The following PABPC1L variants were observed in gnomAD, a reference collection of about 807,000 sequenced individuals.
The protein encoded by PABPC1L is poly(A) binding protein cytoplasmic 1 like, also known as polyadenylate-binding protein 1-like.
PABPC1L carries 31 observed loss-of-function variants against 66.6 expected under a neutral mutation model. That is an observed-to-expected ratio of 0.47 (90% CI 0.35 to 0.63). PABPC1L has a LOEUF of 0.63. Ranked by LOEUF, PABPC1L falls within the 20% of genes least tolerant of loss-of-function variation. PABPC1L has a pLI of 0.00. For missense variants in PABPC1L, 722 were observed against 848.8 expected (o/e 0.85, Z 1.86); for synonymous variants, 348 against 335.1 (o/e 1.04, Z -0.42).
chr20:44,910,338 T>C lies in PABPC1L; in HGVS notation c.193+2T>C, dbSNP rs1351097957. 2 of 1,501,554 alleles carry C rather than the reference T, an allele frequency of 1.3e-6. No homozygotes were observed. Among genetic ancestry groups the C allele is most frequent in the African/African-American group, 2.9e-5 (2 of 70,148 alleles). The allele number at this position is 1,501,554 out of a possible 1,614,324, so 93.0% of individuals were successfully genotyped here. On this transcript the variant is annotated splice_donor_variant, in intron 1 of 14. Transcript: ENST00000217073. LOFTEE classifies it high-confidence loss of function. Reference sequence around the variant, plus strand: ...TCAACTTCCAGCAGCCCGCGGACGGTGAGCCCCGGGGATGGGGCGGGAGGG... The same window carrying C: ...TCAACTTCCAGCAGCCCGCGGACGGCGAGCCCCGGGGATGGGGCGGGAGGG...
intron 10 of PABPC1L, among the ~76,000 whole-genome samples, chr20:44,934,544 G>A (rs1601125447): frequency 6.6e-6 from 1 of 152,144 alleles, no homozygotes; most frequent in Admixed American, 6.6e-5. Context: ...GAATTTGACT[G>A]TTCTTGCTTG....
intron 7 of PABPC1L, 137 bp downstream of exon 7, chr20:44,924,393 G>A: frequency 1.5e-6 from 1 of 647,478 alleles, no homozygotes; most frequent in Non-Finnish European, 2.7e-6. Context: ...CTGGGGCTCT[G>A]CTGACCCCGT....
intron 7 of PABPC1L, among the ~76,000 whole-genome samples, chr20:44,927,491 G>C (rs2066818137): frequency 6.6e-6 from 1 of 151,950 alleles, no homozygotes; most frequent in South Asian, 2.1e-4. Flanking sequence ...GGGATTACAG[G>C]CGCCTCTCAC....
intron 13 of PABPC1L, among the ~76,000 whole-genome samples, 191 bp downstream of exon 13, chr20:44,938,382 G>A (rs8115299): frequency 1.3e-5 from 2 of 152,204 alleles, no homozygotes; most frequent in African/African-American, 4.8e-5. Context: ...CAGCCCTTCC[G>A]TAGACTAATT....
At chr20:44,918,616 C>CT (rs2066752258) in intron 3 of PABPC1L, among the ~76,000 whole-genome samples, 1 of 152,240 alleles carries the variant, frequency 6.6e-6, no homozygotes, top group Non-Finnish European at 1.5e-5. Context: ...CAGGCTCATT[C>CT]TTCTGTGCTC....
chr20:44,937,847 C>T (rs2066913225), intron 12 of PABPC1L: 1 of 614,782 alleles, frequency 1.6e-6, no homozygotes, highest in African/African-American at 1.9e-5. Context: ...TGGCTGGGCC[C>T]TGGACACATT....
In PABPC1L at chr20:44,924,268, G is replaced by A; in HGVS notation, c.972+12G>A. On this transcript the variant is annotated intron_variant, in intron 7 of 14. Transcript: ENST00000217073. ...TTACCAGTGCGAAGGTGAGGACTGG[G>A]GGCACCTCCGGGGGACAGCGTTCCC... is the stretch of plus-strand genomic sequence containing the variant. 1 of 1,583,564 alleles carries A rather than the reference G, an allele frequency of 6.3e-7. No individual in the cohort carries two copies. The highest frequency in any genetic ancestry group is 8.7e-7 in the Non-Finnish European group (1 of 1,152,468).
rs773185715 is a variant in PABPC1L at position 44,930,632 on chromosome 20, A to G, written c.1145A>G (p.Tyr382Cys). ...EERKAILTNQ[Y>C]MQRLSTMRTL... ...CGGAAGGCCATCTTGACCAACCAGT[A>G]CATGCAGCGCCTCTCCACCATGCGG... The change falls in exon 8 of 15, where the codon TAC becomes TGC. Residue 382 changes from tyrosine (Y) to cysteine (C), a missense_variant. Physicochemically the swap from Tyr to Cys is radical, Grantham distance 194 (BLOSUM62 -2). Coordinates refer to ENST00000217073, the MANE Select transcript of PABPC1L (RefSeq NM_001372179.1). 2.5e-6 allele frequency: 4 copies of G among 1,614,228 alleles called. No homozygotes were observed. In the South Asian group the frequency reaches 4.4e-5, roughly 18 times the overall value.
intron 6 of PABPC1L, 66 bp from the exon 7 acceptor site, chr20:44,924,095 G>C: frequency 1.5e-6 from 2 of 1,337,412 alleles, no homozygotes. Flanking sequence ...TCAGTTCCCT[G>C]ATCTCCCCAA....
intron 7 of PABPC1L, among the ~76,000 whole-genome samples, chr20:44,929,811 A>G: frequency 6.6e-6 from 1 of 151,296 alleles, no homozygotes; most frequent in Admixed American, 6.6e-5. Context: ...AAAAAAAAAG[A>G]TATATAGCAA....
intron 1 of PABPC1L, among the ~76,000 whole-genome samples, chr20:44,911,788 T>A (rs910162000): frequency 1.3e-5 from 2 of 152,180 alleles, no homozygotes; most frequent in Non-Finnish European, 2.9e-5. Flanking sequence ...CTGGAAACCG[T>A]GCTGCAGAGA....
At chr20:44,914,467 C>T (rs1363409560) in intron 2 of PABPC1L, among the ~76,000 whole-genome samples, 2 of 152,164 alleles carry the variant, frequency 1.3e-5, no homozygotes, top group African/African-American at 4.8e-5. Context: ...CTCAGTCTCC[C>T]AAAGTGCTGG....
At chr20:44,923,731 G>C (rs964722765) in intron 6 of PABPC1L, among the ~76,000 whole-genome samples, 2 of 152,162 alleles carry the variant, frequency 1.3e-5, no homozygotes, top group East Asian at 3.9e-4. Context: ...GGGCTGGCAG[G>C]GGATGGAGGG....
intron 2 of PABPC1L, among the ~76,000 whole-genome samples, chr20:44,914,483 C>G (rs1488529552): frequency 6.6e-6 from 1 of 152,144 alleles, no homozygotes; most frequent in African/African-American, 2.4e-5. Flanking sequence ...GCTGGGATTA[C>G]AGGCGTGAGC....
chr20:44,932,473 G>A (rs371094566), intron 9 of PABPC1L, 41 bp downstream of exon 9: 2 of 1,546,574 alleles, frequency 1.3e-6, no homozygotes, highest in South Asian at 2.3e-5. Flanking sequence ...CTGGCCTATT[G>A]GTGTGGGCCC....
rs1423757232 is a variant in PABPC1L at position 44,935,348 on chromosome 20, T to G, written c.1460-43T>G. On this transcript the variant is annotated intron_variant, in intron 10 of 14. Coordinates refer to ENST00000217073, the MANE Select transcript of PABPC1L (RefSeq NM_001372179.1). Reference sequence around the variant, plus strand: ...TTGTTTTGTTTTTGGATAGCAGCTATTTGAACTCTGCTTTTTTTGTTTTGT... The same window carrying G: ...TTGTTTTGTTTTTGGATAGCAGCTAGTTGAACTCTGCTTTTTTTGTTTTGT... 2.7e-6 allele frequency: 4 copies of G among 1,502,762 alleles called. No homozygotes were observed. In the Admixed American group the frequency reaches 6.7e-5, roughly 25 times the overall value. The allele number at this position is 1,502,762 out of a possible 1,614,324, so 93.1% of individuals were successfully genotyped here.
chr20:44,918,535 A>T (rs1362368834), intron 3 of PABPC1L, among the ~76,000 whole-genome samples: 2 of 152,208 alleles, frequency 1.3e-5, no homozygotes, highest in Non-Finnish European at 2.9e-5. Flanking sequence ...AGAGAGGTTA[A>T]GTAGCTTGCC....
At chr20:44,939,105 T>C in intron 14 of PABPC1L, 21 bp from the exon 15 acceptor site, 1 of 717,740 alleles carries the variant, frequency 1.4e-6, no homozygotes, top group East Asian at 2.7e-5. Flanking sequence ...AAAACACTTA[T>C]TTTTACCTTT....
intron 2 of PABPC1L, among the ~76,000 whole-genome samples, chr20:44,914,572 C>T (rs2066726376): frequency 6.6e-6 from 1 of 152,140 alleles, no homozygotes; most frequent in Non-Finnish European, 1.5e-5. Context: ...AACGAGGGCT[C>T]TCAAATTCCC....
Sources: gnomAD v4.1 joint callset for allele counts (sites outside exome capture counted in the v4.1 genomes callset) on GRCh38, gnomAD v4.1.1 for gene constraint, MANE v1.5 for transcripts, NCBI Gene and HGNC (gene_info 2026-07-23, HGNC 2026-07-21) for gene names.